The following SYNE2 variants were observed in gnomAD, a reference collection of about 807,000 sequenced individuals.
The protein encoded by SYNE2 is spectrin repeat containing nuclear envelope protein 2.
SYNE2 carries 431 observed loss-of-function variants against 856.3 expected under a neutral mutation model. That is an observed-to-expected ratio of 0.50 (90% confidence interval 0.47 to 0.55). SYNE2 has a LOEUF of 0.55. Ranked by LOEUF, SYNE2 falls within the 20% of genes least tolerant of loss-of-function variation. The pLI is 0.00. For synonymous variants in SYNE2, 2,923 were observed against 2,872.3 expected (o/e 1.02, Z -0.56); for missense variants, 8,129 against 8,023.2 (o/e 1.01, Z -0.50).
chr14:63,882,811 T>C (rs1414105667), intron 1 of SYNE2, among the ~76,000 whole-genome samples: 2 of 152,196 alleles, frequency 1.3e-5, no homozygotes, highest in African/African-American at 2.4e-5. Context: ...GTTGAGACTT[T>C]GGACTCAGGA....
intron 1 of SYNE2, among the ~76,000 whole-genome samples, chr14:63,824,466 C>T (rs1421556208): frequency 6.6e-6 from 1 of 151,864 alleles, no homozygotes; most frequent in Non-Finnish European, 1.5e-5. Context: ...GGGCAAAACC[C>T]TATCTCTATT....
chr14:64,174,920 A>G (rs1463946491), intron 94 of SYNE2, 24 bp from the exon 95 acceptor site: 2 of 1,609,980 alleles, frequency 1.2e-6, no homozygotes, highest in African/African-American at 2.7e-5. Context: ...AACCTAAGCA[A>G]ATTACTTCTC....
At chr14:64,046,036 G>T (rs939491183) in intron 45 of SYNE2, among the ~76,000 whole-genome samples, 2 of 152,104 alleles carry the variant, frequency 1.3e-5, no homozygotes, top group African/African-American at 4.8e-5. Context: ...AGATTCTATG[G>T]ACATGAAGGT....
chr14:64,067,399 A>G (rs1217660411), intron 51 of SYNE2, among the ~76,000 whole-genome samples: 1 of 152,224 alleles, frequency 6.6e-6, no homozygotes, highest in African/African-American at 2.4e-5. Context: ...AGAGGATTCA[A>G]ACTTAGACGC....
intron 96 of SYNE2, among the ~76,000 whole-genome samples, chr14:64,180,597 G>C (rs1401742898): frequency 1.3e-5 from 2 of 151,348 alleles, no homozygotes; most frequent in East Asian, 3.9e-4. Flanking sequence ...CTCTGCCTCC[G>C]GGTTCAAGGG....
Position 64,224,503 on chromosome 14 carries a change from G to A in SYNE2, c.20425G>A (p.Gly6809Arg), listed in dbSNP as rs1411937992. The A allele has an allele frequency of 1.2e-6, 2 of 1,614,094 alleles. No individual in the cohort carries two copies. The highest frequency in any genetic ancestry group is 1.7e-6 in the Non-Finnish European group (2 of 1,180,036). The change falls in exon 114 of 116, where the codon GGG (glycine) becomes AGG (arginine). Residue 6809 changes from glycine (G) to arginine (R), a missense_variant. Around this residue, in one of 3 missense-constraint regions of SYNE2, gnomAD observed 5,410 missense variants for 5,284.8 expected, o/e 1.02. Transcript: ENST00000555002. ...PLPSFDEVDS[G>R]DQPPATSVPA... ...GCCCAGCTTCGACGAGGTAGACTCGGGGGACCAGCCTCCTGCAACATCCGT... is the reference window on the plus strand; with the variant it reads ...GCCCAGCTTCGACGAGGTAGACTCGAGGGACCAGCCTCCTGCAACATCCGT...
rs570215074 is a variant in SYNE2 at position 64,137,892 on chromosome 14, A to G, written c.14752A>G (p.Ile4918Val). 6.8e-6 allele frequency: 11 copies of G among 1,614,228 alleles called. No homozygotes were observed. Among genetic ancestry groups the G allele is most frequent in the African/African-American group, 2.7e-5 (2 of 75,062 alleles). ...GAGCTGTCCTGAATTAGAGGGCCAG[A>G]TCGCAAAACTGGAAGAGCAGTGGTT... is the stretch of plus-strand genomic sequence containing the variant. The part of the protein sequence containing the change: ...SVSCPELEGQ[I>V]AKLEEQWLSL... Residue 4918 changes from isoleucine (I) to valine (V), a missense_variant, in exon 79 of 116, where the codon ATC (isoleucine) becomes GTC (valine). Ile to Val is a conservative substitution (Grantham distance 29). Around this residue, in one of 3 missense-constraint regions of SYNE2, gnomAD observed 5,410 missense variants for 5,284.8 expected, o/e 1.02. Transcript: ENST00000555002.
At chr14:63,793,762 C>G (rs1245980410) in intron 1 of SYNE2, among the ~76,000 whole-genome samples, 1 of 70,062 alleles carries the variant, frequency 1.4e-5, no homozygotes, top group African/African-American at 8.8e-5. Flanking sequence ...CAAAATGAGG[C>G]CCCCCCCCAA....
At chr14:63,876,290 G>C (rs1269785334) in intron 1 of SYNE2, among the ~76,000 whole-genome samples, 3 of 149,688 alleles carry the variant, frequency 2.0e-5, no homozygotes, top group African/African-American at 7.4e-5. Flanking sequence ...GTTGGCACAC[G>C]CCTGTAATTC....
intron 2 of SYNE2, among the ~76,000 whole-genome samples, chr14:63,924,240 A>G (rs757561503): frequency 2.6e-5 from 4 of 152,230 alleles, no homozygotes; most frequent in Non-Finnish European, 4.4e-5. Context: ...CCATGTGCCA[A>G]TATTGCACTA....
At chr14:63,830,720 G>A (rs1011683013) in intron 1 of SYNE2, among the ~76,000 whole-genome samples, 3 of 151,442 alleles carry the variant, frequency 2.0e-5, no homozygotes, top group Admixed American at 6.6e-5. Flanking sequence ...TGAATTTTTC[G>A]AATACTTATT....
At chr14:64,136,628 C>A (rs887390123) in intron 78 of SYNE2, among the ~76,000 whole-genome samples, 2 of 152,094 alleles carry the variant, frequency 1.3e-5, no homozygotes, top group African/African-American at 2.4e-5. Flanking sequence ...AGACAGACTT[C>A]TCTTCAAAGA....
chr14:64,101,480 C>G (rs541112239), intron 63 of SYNE2, among the ~76,000 whole-genome samples: 1 of 152,186 alleles, frequency 6.6e-6, no homozygotes, highest in East Asian at 1.9e-4. Flanking sequence ...GAGATGGGAT[C>G]TCACTCTGTT....
chr14:64,167,728 C>A, intron 92 of SYNE2, 89 bp downstream of exon 92: 1 of 1,534,784 alleles, frequency 6.5e-7, no homozygotes, highest in Non-Finnish European at 9.0e-7. Flanking sequence ...AGGGAGTGTA[C>A]CTATCAGTCC....
At chr14:63,911,592 T>A (rs1367911432) in intron 2 of SYNE2, among the ~76,000 whole-genome samples, 1 of 152,112 alleles carries the variant, frequency 6.6e-6, no homozygotes, top group East Asian at 1.9e-4. Flanking sequence ...TTGCCCAGAG[T>A]CCCGCAGCTA....
At chr14:64,169,667 G>C (rs1189758801) in intron 93 of SYNE2, among the ~76,000 whole-genome samples, 1 of 152,144 alleles carries the variant, frequency 6.6e-6, no homozygotes, top group Non-Finnish European at 1.5e-5. Context: ...CCCTAGCTCT[G>C]AAGCAGTAAA....
At chr14:63,925,530 T>G (rs550468091) in intron 2 of SYNE2, among the ~76,000 whole-genome samples, 3 of 152,332 alleles carry the variant, frequency 2.0e-5, no homozygotes, top group African/African-American at 7.2e-5. Flanking sequence ...TGTAAGTTAT[T>G]TTAAACTGAG....
intron 19 of SYNE2, among the ~76,000 whole-genome samples, chr14:63,988,226 C>T (rs752401240): frequency 9.2e-5 from 14 of 152,152 alleles, no homozygotes; most frequent in South Asian, 2.1e-4. Flanking sequence ...TACAGGCATG[C>T]GCCATCACGC....
intron 6 of SYNE2, among the ~76,000 whole-genome samples, chr14:63,947,347 A>G (rs544544806): frequency 2.0e-5 from 3 of 152,336 alleles, no homozygotes; most frequent in African/African-American, 7.2e-5. Flanking sequence ...AAATTATTCA[A>G]TTAATTTGAA....
Sources: gnomAD v4.1 joint callset for allele counts (sites outside exome capture counted in the v4.1 genomes callset) on GRCh38, gnomAD v4.1.1 for gene constraint, gnomAD v4.1.1 regional missense constraint, MANE v1.5 for transcripts, NCBI Gene and HGNC (gene_info 2026-07-23, HGNC 2026-07-21) for gene names.